WASL: variants seen among roughly 807,000 people sequenced by gnomAD.
The protein encoded by WASL is actin nucleation-promoting factor WASL.
WASL carries 20 observed loss-of-function variants against 55.5 expected under a neutral mutation model. The observed-to-expected ratio is 0.36, with a 90% confidence interval of 0.25 to 0.52. The LOEUF is 0.52. WASL is among the 20% of genes least tolerant of loss of function. WASL has a pLI of 0.92. For missense variants in WASL, 504 were observed against 622.5 expected (o/e 0.81, Z 2.03); for synonymous variants, 249 against 217.6 (o/e 1.14, Z -1.27).
chr7:123,727,713 C>G (rs1426807526), intron 1 of WASL, among the ~76,000 whole-genome samples: 2 of 152,086 alleles, frequency 1.3e-5, no homozygotes, highest in East Asian at 3.9e-4. Context: ...TGAGGTATTA[C>G]AAACATTCTA....
At chr7:123,725,546 A>G (rs1446719460) in intron 1 of WASL, among the ~76,000 whole-genome samples, 1 of 152,028 alleles carries the variant, frequency 6.6e-6, no homozygotes, top group Non-Finnish European at 1.5e-5. Context: ...TTTTTTCCTC[A>G]TTAGAATCCC....
At chr7:123,709,883 T>C (rs1197643490) in intron 1 of WASL, among the ~76,000 whole-genome samples, 2 of 152,292 alleles carry the variant, frequency 1.3e-5, no homozygotes, top group African/African-American at 2.4e-5. Flanking sequence ...GTTTTAATGC[T>C]ATACTGAGGA....
intron 1 of WASL, among the ~76,000 whole-genome samples, chr7:123,710,615 A>C (rs1315311469): frequency 2.0e-5 from 3 of 152,214 alleles, no homozygotes; most frequent in African/African-American, 7.2e-5. Flanking sequence ...AACAATGTTC[A>C]ATGTTATGTT....
chr7:123,688,091 C>T (rs1803324548), intron 10 of WASL, among the ~76,000 whole-genome samples: 1 of 152,124 alleles, frequency 6.6e-6, no homozygotes, highest in Non-Finnish European at 1.5e-5. Flanking sequence ...GTTGGAGAAG[C>T]TATTTAGCAA....
chr7:123,682,885 C>G lies in WASL; in HGVS notation c.*1634G>C, dbSNP rs1157116834. 1 of 152,108 alleles carries G rather than the reference C, an allele frequency of 6.6e-6. No individual in the cohort carries two copies. The highest frequency in any genetic ancestry group is 6.6e-5 in the Admixed American group (1 of 15,248). 9.4% of individuals were successfully genotyped at this position (152,108 alleles called of 1,614,324 possible). A position where few individuals can be genotyped will look rare whatever the true frequency, so the allele number is the denominator to read the frequency against. ...GAATCTTTCCCATGTGCTTAAATTA[C>G]TCTTGCAAGAAAGATAACATTCTTT... On this transcript the variant is annotated 3_prime_UTR_variant, in exon 11 of 11. Transcript: ENST00000223023.
intron 5 of WASL, among the ~76,000 whole-genome samples, chr7:123,702,716 G>A (rs1803612033): frequency 2.0e-5 from 3 of 152,216 alleles, no homozygotes; most frequent in South Asian, 4.1e-4. Context: ...ATCGTATTAG[G>A]TATTATGAGT....
chr7:123,709,302 C>A lies in WASL; in HGVS notation c.118-79G>T, dbSNP rs1029742391. Reference sequence around the variant, plus strand: ...ATAGCCCCTGCTGACAGCTTGACCGCAACCACCCAGCTAAGCTGCTCCTAA... The same window carrying A: ...ATAGCCCCTGCTGACAGCTTGACCGAAACCACCCAGCTAAGCTGCTCCTAA... On this transcript the variant is annotated intron_variant, in intron 1 of 10. Transcript: ENST00000223023. The A allele has an allele frequency of 3.0e-5, 38 of 1,257,840 alleles. No homozygotes were observed. The African/African-American group carries it at 4.7e-4, about 16-fold the overall frequency. The allele number at this position is 1,257,840 out of a possible 1,614,324, so 77.9% of individuals were successfully genotyped here.
At chr7:123,708,784 T>TA (rs1439432163) in intron 2 of WASL, among the ~76,000 whole-genome samples, 1 of 150,206 alleles carries the variant, frequency 6.7e-6, no homozygotes, top group Non-Finnish European at 1.5e-5. Flanking sequence ...AGAGTTTCAT[T>TA]AAAAAAATAC....
At chr7:123,695,735 A>G in intron 7 of WASL, 88 bp downstream of exon 7, 1 of 1,362,842 alleles carries the variant, frequency 7.3e-7, no homozygotes, top group East Asian at 2.4e-5. Flanking sequence ...GATACTAGAA[A>G]CCACAAAAAT....
Position 123,700,465 on chromosome 7 carries a change from G to C in WASL, c.461-3718C>G, listed in dbSNP as rs527696621. On this transcript the variant is annotated intron_variant, in intron 5 of 10. Coordinates refer to ENST00000223023, the MANE Select transcript of WASL (RefSeq NM_003941.4). The stretch of plus-strand genomic sequence containing the variant: ...TTACCTCTTTTTTTTTTTTGAGATG[G>C]AGTCTCACTCTCTCGCCCAGGCTGG... Among the ~76,000 whole-genome samples the C allele has an allele frequency of 2.1e-3, 315 of 149,692 alleles. 1 individual carries two copies. The highest frequency in any genetic ancestry group is 3.1e-3 in the Non-Finnish European group (212 of 67,648).
chr7:123,701,414 A>G (rs918306791), intron 5 of WASL, among the ~76,000 whole-genome samples: 1 of 152,202 alleles, frequency 6.6e-6, no homozygotes, highest in Non-Finnish European at 1.5e-5. Flanking sequence ...CTCACCAAGG[A>G]AAACAGTTGA....
intron 1 of WASL, among the ~76,000 whole-genome samples, chr7:123,726,766 T>G (rs1804050960): frequency 6.6e-6 from 1 of 152,012 alleles, no homozygotes; most frequent in African/African-American, 2.4e-5. Flanking sequence ...CTCAGGAGGT[T>G]GAAGCAAGAG....
rs918449035 is a variant in WASL at position 123,748,744 on chromosome 7, G to A, written c.-10C>T. On this transcript the variant is annotated 5_prime_UTR_variant, in exon 1 of 11. Coordinates refer to ENST00000223023, the MANE Select transcript of WASL (RefSeq NM_003941.4). ...GCTGGACGGAGCTCATGGTTTCGCC[G>A]GCGGGGTTGGGAGTCCAGGGCCGTC... 1.9e-6 allele frequency: 3 copies of A among 1,571,200 alleles called. No homozygotes were observed. The highest frequency in any genetic ancestry group is 2.6e-6 in the Non-Finnish European group (3 of 1,160,190).
At chr7:123,687,566 C>G (rs1803313189) in intron 10 of WASL, among the ~76,000 whole-genome samples, 1 of 152,130 alleles carries the variant, frequency 6.6e-6, no homozygotes, top group African/African-American at 2.4e-5. Flanking sequence ...GCTTTATTGT[C>G]CCTTATCATC....
At chr7:123,687,213 T>G (rs959324535) in intron 10 of WASL, among the ~76,000 whole-genome samples, 4 of 152,116 alleles carry the variant, frequency 2.6e-5, no homozygotes, top group African/African-American at 9.7e-5. Flanking sequence ...TAACCACTTC[T>G]CATTGGTGCT....
intron 2 of WASL, among the ~76,000 whole-genome samples, chr7:123,708,145 G>A (rs1299310634): frequency 6.6e-6 from 1 of 151,974 alleles, no homozygotes; most frequent in Non-Finnish European, 1.5e-5. Flanking sequence ...GTGCACTCCA[G>A]GCTGGGTGAC....
chr7:123,710,860 C>T (rs182199223), intron 1 of WASL, among the ~76,000 whole-genome samples: 14 of 152,288 alleles, frequency 9.2e-5, no homozygotes, highest in Non-Finnish European at 1.6e-4. Context: ...GATAGTGCCA[C>T]AGGCATCCTG....
intron 1 of WASL, among the ~76,000 whole-genome samples, chr7:123,747,299 G>A (rs776101132): frequency 6.6e-5 from 10 of 152,116 alleles, no homozygotes; most frequent in Non-Finnish European, 1.3e-4. Context: ...GGGGCTTAAA[G>A]TTGTTACCCA....
rs773395190 is a variant in WASL, at chr7:123,704,639, G to A, written c.455C>T (p.Pro152Leu). The change falls in exon 5 of 11, where the codon CCA (proline) becomes CTA (leucine). Residue 152 changes from proline to leucine, a missense_variant. By Grantham distance (98) the Pro-to-Leu change is moderately conservative. Around this residue, in one of 5 missense-constraint regions of WASL, gnomAD observed 230 missense variants for 271.9 expected, o/e 0.85. Coordinates refer to ENST00000223023, the MANE Select transcript of WASL (RefSeq NM_003941.4). ...QRKSEKRRDP[P>L]NGPNLPMATV... ...ATAATTGTCAAAAAGCTTACCATTT[G>A]GGGGATCTCGTCTTTTCTCTGTTAG... 7.3e-6 allele frequency: 11 copies of A among 1,508,266 alleles called. No homozygotes were observed. Among genetic ancestry groups the A allele is most frequent in the Non-Finnish European group, 9.0e-6 (10 of 1,105,492 alleles). The allele number at this position is 1,508,266 out of a possible 1,614,324, so 93.4% of individuals were successfully genotyped here.
Sources: allele counts gnomAD v4.1 joint callset (sites outside exome capture counted in the v4.1 genomes callset), GRCh38; gene constraint gnomAD v4.1.1; regional missense constraint gnomAD v4.1.1; transcripts MANE v1.5; gene names NCBI Gene and HGNC (gene_info 2026-07-23, HGNC 2026-07-21).